PRDM16: variants seen among roughly 807,000 people sequenced by gnomAD.
PRDM16 encodes PR/SET domain 16, also known as histone-lysine N-methyltransferase PRDM16.
PRDM16 carries 23 observed loss-of-function variants against 110.6 expected under a neutral mutation model. That is an observed-to-expected ratio of 0.21 (90% CI 0.15 to 0.29). The LOEUF is 0.29. Among genes scored for constraint, PRDM16 ranks in the 10% least tolerant of loss-of-function variants. The pLI is 1.00. For synonymous variants in PRDM16, 799 were observed against 781.8 expected (o/e 1.02, Z -0.37); for missense variants, 1,615 against 1,794.3 (o/e 0.90, Z 1.81).
At chr1:3,227,996 G>C (rs1456177090) in intron 2 of PRDM16, among the ~76,000 whole-genome samples, 1 of 152,206 alleles carries the variant, frequency 6.6e-6, no homozygotes, top group Non-Finnish European at 1.5e-5. Context: ...AGTATCCCAG[G>C]CTTCACAGTC....
At chr1:3,320,107 G>T (rs1048285714) in intron 3 of PRDM16, among the ~76,000 whole-genome samples, 1 of 152,130 alleles carries the variant, frequency 6.6e-6, no homozygotes, top group African/African-American at 2.4e-5. Context: ...TATAGAACCG[G>T]GCAGGGTGTA....
chr1:3,160,994 C>A (rs369231946), intron 1 of PRDM16, among the ~76,000 whole-genome samples: 3 of 152,118 alleles, frequency 2.0e-5, no homozygotes, highest in African/African-American at 7.2e-5. Flanking sequence ...ATTCGGAGAC[C>A]CTGAAATGGG....
chr1:3,194,714 A>ATCGTCTCC (rs1557520301), intron 2 of PRDM16, among the ~76,000 whole-genome samples: 40 of 149,836 alleles, frequency 2.7e-4, no homozygotes, highest in African/African-American at 8.4e-4. Flanking sequence ...GCCACACGCC[A>ATCGTCTCC]CCGTCTCCCC....
At chr1:3,418,623 C>T (rs1638339955) in intron 11 of PRDM16, 44 bp from the exon 12 acceptor site, 1 of 1,343,014 alleles carries the variant, frequency 7.4e-7, no homozygotes, top group South Asian at 1.2e-5. Flanking sequence ...CCATGTAAGC[C>T]CACCCTAATC....
chr1:3,430,475 T>C (rs1638734375), intron 14 of PRDM16, among the ~76,000 whole-genome samples: 1 of 152,220 alleles, frequency 6.6e-6, no homozygotes, highest in Admixed American at 6.5e-5. Context: ...CCTGAATTCC[T>C]TCCCCCTGAA....
chr1:3,386,304 C>T (rs1260552623), intron 4 of PRDM16, among the ~76,000 whole-genome samples: 8 of 152,288 alleles, frequency 5.3e-5, no homozygotes, highest in South Asian at 2.1e-4. Flanking sequence ...GGAACATTCC[C>T]GCGTAGCCTG....
At chr1:3,241,302 G>GCCTCTGTGCGGCTCTT in intron 2 of PRDM16, among the ~76,000 whole-genome samples, 1 of 152,360 alleles carries the variant, frequency 6.6e-6, no homozygotes, top group East Asian at 1.9e-4. Context: ...GGGGGGCTCT[G>GCCTCTGTGCGGCTCTT]CCTCTGTGCG....
chr1:3,275,564 C>G (rs538890789), intron 3 of PRDM16, among the ~76,000 whole-genome samples: 30 of 152,298 alleles, frequency 2.0e-4, no homozygotes, highest in African/African-American at 6.3e-4. Context: ...TCACCCTGTC[C>G]TGGTGCAGGC....
chr1:3,130,493 G>A (rs925160047), intron 1 of PRDM16, among the ~76,000 whole-genome samples: 5 of 152,308 alleles, frequency 3.3e-5, no homozygotes, highest in African/African-American at 1.2e-4. Context: ...CCCAGAGGCC[G>A]TCTCCAGGGC....
intron 1 of PRDM16, among the ~76,000 whole-genome samples, chr1:3,150,854 G>A (rs1400061965): frequency 6.8e-6 from 1 of 147,536 alleles, no homozygotes; most frequent in Non-Finnish European, 1.5e-5. Flanking sequence ...CAAGAGCTAT[G>A]GAGGCCGGGT....
At chr1:3,269,624 C>CGG (rs1640383773) in intron 3 of PRDM16, among the ~76,000 whole-genome samples, 2 of 116,552 alleles carry the variant, frequency 1.7e-5, no homozygotes, top group Non-Finnish European at 3.3e-5. Flanking sequence ...AGCACAGTCC[C>CGG]AGAGGAGCAC....
intron 3 of PRDM16, among the ~76,000 whole-genome samples, chr1:3,292,232 G>A (rs114652920): frequency 2.6e-5 from 4 of 152,162 alleles, no homozygotes; most frequent in Non-Finnish European, 4.4e-5. Flanking sequence ...GCCGTGGCCC[G>A]GCCTCAAGTC....
At chr1:3,378,509 T>G (rs1643035615) in intron 3 of PRDM16, among the ~76,000 whole-genome samples, 2 of 151,680 alleles carry the variant, frequency 1.3e-5, no homozygotes, top group South Asian at 4.2e-4. Flanking sequence ...AGCTCTGGAG[T>G]CCGGCAGCCT....
intron 1 of PRDM16, among the ~76,000 whole-genome samples, chr1:3,180,994 A>ACG (rs1557507491): frequency 3.7e-5 from 5 of 136,924 alleles, no homozygotes; most frequent in African/African-American, 1.1e-4. Flanking sequence ...AGTCTTACAC[A>ACG]CGATCTTACA....
intron 1 of PRDM16, among the ~76,000 whole-genome samples, chr1:3,089,398 C>T (rs945382298): frequency 1.3e-5 from 2 of 152,248 alleles, no homozygotes; most frequent in African/African-American, 4.8e-5. Context: ...CTCCACCTGG[C>T]TGCACCCTCC....
intron 3 of PRDM16, among the ~76,000 whole-genome samples, chr1:3,366,413 C>T (rs1642816890): frequency 6.6e-6 from 1 of 152,226 alleles, no homozygotes; most frequent in African/African-American, 2.4e-5. Flanking sequence ...CATGCCTGTT[C>T]GCGCTCAGTA....
At position 3,336,790 on chromosome 1, in the gene PRDM16, A is replaced by G. The variant is rs887298762; in HGVS notation, c.439-48362A>G. ...TTGGTGTGAATCTGTGTGTGAATGC[A>G]TGCATGCACATGTGTGTTGGAGTGA... is the stretch of plus-strand genomic sequence containing the variant. On this transcript the variant is annotated intron_variant, in intron 3 of 16. Coordinates refer to ENST00000270722, the MANE Select transcript of PRDM16 (RefSeq NM_022114.4). Among the ~76,000 whole-genome samples the G allele has an allele frequency of 2.0e-5, 3 of 146,644 alleles. No individual in the cohort carries two copies. The South Asian group carries it at 6.6e-4, about 32-fold the overall frequency.
chr1:3,392,150 A>G (rs1643310614), intron 4 of PRDM16, among the ~76,000 whole-genome samples: 1 of 152,262 alleles, frequency 6.6e-6, no homozygotes, highest in South Asian at 2.1e-4. Flanking sequence ...CCGGGTCACC[A>G]GGGGAATCTG....
chr1:3,176,155 C>CCATT (rs1644085020), intron 1 of PRDM16, among the ~76,000 whole-genome samples: 1 of 79,460 alleles, frequency 1.3e-5, no homozygotes, highest in Non-Finnish European at 2.9e-5. Flanking sequence ...ATTCATCTAT[C>CCATT]CATCCATCCA....
Sources: gnomAD v4.1 joint callset for allele counts (sites outside exome capture counted in the v4.1 genomes callset) on GRCh38, gnomAD v4.1.1 for gene constraint, MANE v1.5 for transcripts, NCBI Gene and HGNC (gene_info 2026-07-23, HGNC 2026-07-21) for gene names.